The following CLSTN2 variants were observed in gnomAD, a reference collection of about 807,000 sequenced individuals.
CLSTN2 encodes the protein calsyntenin-2.
Under a neutral mutation model 101.2 loss-of-function variants are expected in CLSTN2, and 48 were observed. The ratio of observed to expected loss-of-function variants is 0.47; its 90% CI spans 0.38 to 0.60. CLSTN2 has a LOEUF of 0.60. Among genes scored for constraint, CLSTN2 ranks in the 20% least tolerant of loss-of-function variants. The pLI is 0.00. For synonymous variants in CLSTN2, 481 were observed against 463.6 expected (o/e 1.04, Z -0.48); for missense variants, 1,160 against 1,238.2 (o/e 0.94, Z 0.95).
At chr3:140,540,777 C>A (rs540797076) in intron 9 of CLSTN2, among the ~76,000 whole-genome samples, 23 of 152,118 alleles carry the variant, frequency 1.5e-4, no homozygotes, top group Non-Finnish European at 2.6e-4. Context: ...TAGATGCGTG[C>A]ATATTTTTAC....
intron 5 of CLSTN2, among the ~76,000 whole-genome samples, chr3:140,429,057 T>G (rs1282983504): frequency 6.6e-6 from 1 of 152,150 alleles, no homozygotes; most frequent in Admixed American, 6.5e-5. Flanking sequence ...ACTTTTGTGT[T>G]GAAAAGACAG....
At chr3:140,202,515 G>A (rs913976346) in intron 2 of CLSTN2, among the ~76,000 whole-genome samples, 1 of 152,194 alleles carries the variant, frequency 6.6e-6, no homozygotes, top group Non-Finnish European at 1.5e-5. Flanking sequence ...GGAGAAGGAT[G>A]ACCAGGCATT....
intron 2 of CLSTN2, among the ~76,000 whole-genome samples, chr3:140,263,189 A>G (rs1576490062): frequency 6.6e-6 from 1 of 152,132 alleles, no homozygotes; most frequent in Non-Finnish European, 1.5e-5. Context: ...TGAAGGATAT[A>G]TGATGGTCAA....
At chr3:139,977,038 T>C (rs1162196267) in intron 1 of CLSTN2, among the ~76,000 whole-genome samples, 1 of 152,138 alleles carries the variant, frequency 6.6e-6, no homozygotes, top group Non-Finnish European at 1.5e-5. Flanking sequence ...ACACTCCATT[T>C]GCAAACAGGA....
At chr3:140,123,329 G>T (rs2009375328) in intron 1 of CLSTN2, among the ~76,000 whole-genome samples, 1 of 151,990 alleles carries the variant, frequency 6.6e-6, no homozygotes, top group African/African-American at 2.4e-5. Context: ...GGCCCATCAT[G>T]AACACTGTTG....
chr3:140,488,397 ATC>A (rs1934279866), intron 8 of CLSTN2, among the ~76,000 whole-genome samples: 1 of 152,154 alleles, frequency 6.6e-6, no homozygotes, highest in Non-Finnish European at 1.5e-5. Context: ...GAGCCTTAGT[ATC>A]CTCATTTGTA....
intron 8 of CLSTN2, among the ~76,000 whole-genome samples, chr3:140,528,577 G>C (rs559473085): frequency 3.3e-5 from 5 of 150,610 alleles, no homozygotes; most frequent in Non-Finnish European, 5.9e-5. Flanking sequence ...ATGTCTGTAG[G>C]AGTTAACGAA....
intron 1 of CLSTN2, among the ~76,000 whole-genome samples, chr3:139,958,323 G>A (rs1935447023): frequency 6.6e-6 from 1 of 152,178 alleles, no homozygotes; most frequent in Admixed American, 6.5e-5. Flanking sequence ...CAAGGTGTAT[G>A]TGCCCACCAC....
intron 2 of CLSTN2, among the ~76,000 whole-genome samples, chr3:140,396,276 GA>G (rs919872712): frequency 2.6e-5 from 4 of 152,124 alleles, no homozygotes; most frequent in African/African-American, 9.6e-5. Flanking sequence ...GTCATTCAGA[GA>G]AAAAAATGTG....
intron 2 of CLSTN2, among the ~76,000 whole-genome samples, chr3:140,394,127 G>T (rs1406197739): frequency 6.6e-6 from 1 of 152,090 alleles, no homozygotes; most frequent in Non-Finnish European, 1.5e-5. Flanking sequence ...AGTTAAACTA[G>T]CTTTTTATAA....
At chr3:140,060,625 G>A (rs2008188414) in intron 1 of CLSTN2, among the ~76,000 whole-genome samples, 1 of 152,168 alleles carries the variant, frequency 6.6e-6, no homozygotes, top group Non-Finnish European at 1.5e-5. Flanking sequence ...ACCTGGCTCA[G>A]GGGAGGTGCT....
intron 1 of CLSTN2, among the ~76,000 whole-genome samples, chr3:139,943,719 A>G (rs111924832): frequency 2.2e-4 from 34 of 152,308 alleles, no homozygotes; most frequent in African/African-American, 8.2e-4. Flanking sequence ...TCCCATCCCA[A>G]AGGAAATCAG....
At chr3:140,179,641 A>C (rs1467771642) in intron 2 of CLSTN2, among the ~76,000 whole-genome samples, 6 of 149,088 alleles carry the variant, frequency 4.0e-5, no homozygotes, top group African/African-American at 7.4e-5. Flanking sequence ...AAAAAAAAAA[A>C]AAAAAAAAAA....
chr3:140,187,017 A>T (rs1254311079), intron 2 of CLSTN2, among the ~76,000 whole-genome samples: 1 of 152,216 alleles, frequency 6.6e-6, no homozygotes, highest in Non-Finnish European at 1.5e-5. Context: ...TGCAAGGGGA[A>T]AATCTTTATT....
chr3:140,097,057 C>T (rs1029594967), intron 1 of CLSTN2, among the ~76,000 whole-genome samples: 37 of 152,174 alleles, frequency 2.4e-4, no homozygotes, highest in African/African-American at 8.4e-4. Flanking sequence ...CAGCTTAGCT[C>T]TCAGAACTCT....
chr3:140,148,598 T>C (rs549317319), intron 1 of CLSTN2, among the ~76,000 whole-genome samples: 1 of 152,366 alleles, frequency 6.6e-6, no homozygotes, highest in African/African-American at 2.4e-5. Context: ...TCACTTAATG[T>C]GTTTAGTGCC....
At chr3:140,409,069 T>C (rs561918858) in intron 4 of CLSTN2, among the ~76,000 whole-genome samples, 1 of 152,380 alleles carries the variant, frequency 6.6e-6, no homozygotes, top group South Asian at 2.1e-4. Context: ...CATGCATATG[T>C]AGCTGGTCTA....
At chr3:140,260,159 A>G (rs1576488702) in intron 2 of CLSTN2, among the ~76,000 whole-genome samples, 1 of 146,894 alleles carries the variant, frequency 6.8e-6, no homozygotes, top group East Asian at 2.0e-4. Context: ...TATATATATT[A>G]TATATAAAAT....
intron 1 of CLSTN2, among the ~76,000 whole-genome samples, chr3:140,002,310 C>T (rs909048781): frequency 6.6e-6 from 1 of 152,190 alleles, no homozygotes; most frequent in Non-Finnish European, 1.5e-5. Context: ...CTCTGATGAT[C>T]AGTGATGTTA....
Sources: gnomAD v4.1 joint callset for allele counts (sites outside exome capture counted in the v4.1 genomes callset) on GRCh38, gnomAD v4.1.1 for gene constraint, MANE v1.5 for transcripts, NCBI Gene and HGNC (gene_info 2026-07-23, HGNC 2026-07-21) for gene names.